The following BMPER variants were observed in gnomAD, a reference collection of about 807,000 sequenced individuals.
BMPER encodes BMP-binding endothelial regulator protein.
A neutral mutation model predicts 87.3 loss-of-function variants in BMPER; 45 were observed. That is an observed-to-expected ratio of 0.52 (90% CI 0.41 to 0.66). The LOEUF is 0.66. Ranked by LOEUF, BMPER falls within the 30% of genes least tolerant of loss-of-function variation. The pLI is 0.00. For missense variants in BMPER, 784 were observed against 867.5 expected (o/e 0.90, Z 1.21); for synonymous variants, 326 against 316.2 (o/e 1.03, Z -0.33).
chr7:34,055,866 C>T (rs1294923522), intron 9 of BMPER, among the ~76,000 whole-genome samples: 1 of 152,200 alleles, frequency 6.6e-6, no homozygotes, highest in Non-Finnish European at 1.5e-5. Context: ...TCTCTGAGGA[C>T]CCCAAGTGGG....
chr7:34,059,255 A>G (rs1422467970), intron 10 of BMPER, among the ~76,000 whole-genome samples: 1 of 152,152 alleles, frequency 6.6e-6, no homozygotes, highest in African/African-American at 2.4e-5. Flanking sequence ...TCCTTATTCT[A>G]CAAGACAAAA....
chr7:34,152,968 A>G (rs1365494808), intron 14 of BMPER, 124 bp from the exon 15 acceptor site: 2 of 1,119,292 alleles, frequency 1.8e-6, no homozygotes, highest in Non-Finnish European at 2.7e-6. Flanking sequence ...TTAAAATGCA[A>G]ATGTGATCCT....
intron 6 of BMPER, among the ~76,000 whole-genome samples, chr7:34,028,333 A>G (rs1006646875): frequency 5.9e-5 from 9 of 151,986 alleles, no homozygotes; most frequent in Non-Finnish European, 1.3e-4. Context: ...TTGGTTATTT[A>G]TGTTAGCATG....
chr7:34,065,838 G>A (rs189189123), intron 11 of BMPER, among the ~76,000 whole-genome samples: 1 of 152,298 alleles, frequency 6.6e-6, no homozygotes. Context: ...CGTGTTTTCA[G>A]CTATTTACTT....
At chr7:34,013,210 G>T (rs1359979055) in intron 6 of BMPER, among the ~76,000 whole-genome samples, 1 of 151,572 alleles carries the variant, frequency 6.6e-6, no homozygotes, top group East Asian at 2.0e-4. Context: ...AAAGTTCCCT[G>T]TCTCAGTCAG....
chr7:34,005,901 A>T (rs1040888626), intron 6 of BMPER, among the ~76,000 whole-genome samples: 76 of 151,798 alleles, frequency 5.0e-4, no homozygotes, highest in African/African-American at 1.8e-3. Context: ...GTGTTCTTAA[A>T]TTTTTTCCTA....
intron 6 of BMPER, among the ~76,000 whole-genome samples, chr7:33,975,284 G>C (rs1012023136): frequency 6.6e-6 from 1 of 152,134 alleles, no homozygotes; most frequent in African/African-American, 2.4e-5. Flanking sequence ...AGAAGCAATG[G>C]GGACAAACAC....
intron 6 of BMPER, among the ~76,000 whole-genome samples, chr7:34,015,884 A>G (rs1486853650): frequency 6.6e-6 from 1 of 151,844 alleles, no homozygotes; most frequent in Non-Finnish European, 1.5e-5. Flanking sequence ...GAAAAATAAC[A>G]TATGTTTTAG....
chr7:34,128,968 G>A (rs1430330451), intron 13 of BMPER, among the ~76,000 whole-genome samples: 1 of 152,158 alleles, frequency 6.6e-6, no homozygotes, highest in East Asian at 1.9e-4. Flanking sequence ...CTGACTTTTT[G>A]TGAGTCATCC....
intron 3 of BMPER, among the ~76,000 whole-genome samples, chr7:33,939,036 CAAAA>C (rs933576530): frequency 6.7e-6 from 1 of 150,036 alleles, no homozygotes; most frequent in Non-Finnish European, 1.5e-5. Context: ...AAAAACAAAA[CAAAA>C]AAAAAGACAA....
chr7:33,905,771 G>A (rs1783797442), intron 1 of BMPER, 25 bp downstream of exon 1: 2 of 1,587,646 alleles, frequency 1.3e-6, no homozygotes, highest in South Asian at 1.1e-5. Context: ...GGGAGGGACC[G>A]GCCCTCCGGG....
intron 13 of BMPER, among the ~76,000 whole-genome samples, chr7:34,101,883 C>T (rs1789690973): frequency 6.6e-6 from 1 of 152,210 alleles, no homozygotes; most frequent in African/African-American, 2.4e-5. Context: ...ACATGTGTGG[C>T]ACTGTCATTT....
At chr7:34,007,432 A>G (rs1786764189) in intron 6 of BMPER, among the ~76,000 whole-genome samples, 1 of 152,018 alleles carries the variant, frequency 6.6e-6, no homozygotes, top group Non-Finnish European at 1.5e-5. Flanking sequence ...AGTCTCTTAA[A>G]TTTCTCTGGA....
chr7:34,134,798 C>A (rs945069318), intron 13 of BMPER, among the ~76,000 whole-genome samples: 3 of 152,144 alleles, frequency 2.0e-5, no homozygotes, highest in Non-Finnish European at 4.4e-5. Flanking sequence ...ATTTTAGATT[C>A]CATACATGCG....
chr7:33,966,659 A>G, intron 4 of BMPER, 98 bp downstream of exon 4: 1 of 1,186,198 alleles, frequency 8.4e-7, no homozygotes, highest in South Asian at 1.3e-5. Context: ...TAAAAAGGCC[A>G]AACAGAAATG....
chr7:34,042,185 T>C (rs564702660), intron 6 of BMPER, among the ~76,000 whole-genome samples: 1 of 152,340 alleles, frequency 6.6e-6, no homozygotes, highest in East Asian at 1.9e-4. Context: ...GGAAATAGAC[T>C]TGGCATAGGT....
chr7:34,016,915 A>C (rs543234092), intron 6 of BMPER, among the ~76,000 whole-genome samples: 1 of 152,000 alleles, frequency 6.6e-6, no homozygotes, highest in East Asian at 1.9e-4. Flanking sequence ...TTGTTGTTTT[A>C]TTAGAAGGAA....
intron 13 of BMPER, among the ~76,000 whole-genome samples, chr7:34,137,064 T>G (rs903374592): frequency 6.6e-6 from 1 of 152,232 alleles, no homozygotes; most frequent in African/African-American, 2.4e-5. Flanking sequence ...ATTTTAGCAG[T>G]ATTGGAGGTT....
At chr7:34,052,079 C>T (rs918884550) in intron 8 of BMPER, 109 bp downstream of exon 8, 9 of 1,002,286 alleles carry the variant, frequency 9.0e-6, no homozygotes. Flanking sequence ...TGGGAGGAAG[C>T]ATTAACAATG....
Sources: gnomAD v4.1 joint callset for allele counts (sites outside exome capture counted in the v4.1 genomes callset) on GRCh38, gnomAD v4.1.1 for gene constraint, MANE v1.5 for transcripts, NCBI Gene and HGNC (gene_info 2026-07-23, HGNC 2026-07-21) for gene names.